HHAT: variants seen among roughly 807,000 people sequenced by gnomAD.
HHAT encodes protein-cysteine N-palmitoyltransferase HHAT.
HHAT carries 47 observed loss-of-function variants against 70.8 expected under a neutral mutation model. That is an observed-to-expected ratio of 0.66 (90% confidence interval 0.53 to 0.85). HHAT has a LOEUF of 0.85. Ranked by LOEUF, HHAT falls within the 40% of genes least tolerant of loss-of-function variation. The probability of loss-of-function intolerance (pLI) is 0.00; values close to 1 mark genes in which losing one functional copy is unlikely to be tolerated. For synonymous variants in HHAT, 228 were observed against 247.6 expected (o/e 0.92, Z 0.74); for missense variants, 609 against 604.8 (o/e 1.01, Z -0.07).
Position 210,349,942 on chromosome 1 carries a change from C to A in HHAT, c.91+876C>A, listed in dbSNP as rs915031063. Among the ~76,000 whole-genome samples the A allele has an allele frequency of 2.0e-5, 3 of 152,170 alleles. 1 individual carries two copies. In the South Asian group the frequency reaches 6.2e-4, roughly 32 times the overall value. On this transcript the variant is annotated intron_variant, in intron 2 of 11. Transcript: ENST00000261458. ...CTGGGATTACAGGCGTGAGCCACTG[C>A]ACCCTGTAGCTGGGACTACAGGAGT... is the stretch of plus-strand genomic sequence containing the variant.
intron 7 of HHAT, among the ~76,000 whole-genome samples, chr1:210,421,729 G>A (rs2092910231): frequency 1.3e-5 from 2 of 152,174 alleles, no homozygotes; most frequent in African/African-American, 4.8e-5. Context: ...ACAGCTATGA[G>A]CCACTGTGCC....
intron 11 of HHAT, among the ~76,000 whole-genome samples, chr1:210,653,553 T>G: frequency 6.8e-6 from 1 of 147,894 alleles, no homozygotes; most frequent in Admixed American, 6.8e-5. Flanking sequence ...AAAAGTTAAA[T>G]ACCATTTAAT....
chr1:210,389,764 A>T (rs1442854672), intron 4 of HHAT, among the ~76,000 whole-genome samples: 1 of 152,302 alleles, frequency 6.6e-6, no homozygotes. Flanking sequence ...GTAGTTCTTT[A>T]TAGCAGTGTG....
intron 9 of HHAT, among the ~76,000 whole-genome samples, chr1:210,583,164 C>T (rs1659649814): frequency 6.6e-6 from 1 of 152,170 alleles, no homozygotes; most frequent in African/African-American, 2.4e-5. Context: ...CATGGGCACT[C>T]AGTAAAGGGT....
chr1:210,456,022 A>C (rs2093859230), intron 7 of HHAT, among the ~76,000 whole-genome samples: 2 of 152,118 alleles, frequency 1.3e-5, no homozygotes, highest in African/African-American at 4.8e-5. Context: ...GCTCTGCCAT[A>C]GCTCTCATCA....
chr1:210,580,462 T>A lies in HHAT; in HGVS notation c.1044-7436T>A, dbSNP rs191039111. On this transcript the variant is annotated intron_variant, in intron 9 of 11. Transcript: ENST00000261458. ...GTGCCATGGTGGTTTGCTGCACCTATTGACCTGTCCTCTAAGTTCCCTCCC... is the reference window on the plus strand; with the variant it reads ...GTGCCATGGTGGTTTGCTGCACCTAATGACCTGTCCTCTAAGTTCCCTCCC... 3.8e-3 allele frequency among the ~76,000 whole-genome samples: 579 copies of A among 151,464 alleles called. 6 individuals carry two copies. The highest frequency in any genetic ancestry group is 0.013 in the African/African-American group (533 of 41,298).
intron 2 of HHAT, among the ~76,000 whole-genome samples, chr1:210,360,304 G>GTTTT (rs398053777): frequency 5.6e-4 from 78 of 138,158 alleles, no homozygotes; most frequent in African/African-American, 1.9e-3. Context: ...TTGTTTTTGT[G>GTTTT]TTTTTTTTTT....
chr1:210,515,016 C>T (rs1322593144), intron 9 of HHAT, among the ~76,000 whole-genome samples: 2 of 152,192 alleles, frequency 1.3e-5, no homozygotes, highest in Non-Finnish European at 2.9e-5. Context: ...TCCCCTTGCT[C>T]TGGCAGGAGG....
At chr1:210,447,286 A>C (rs1242519510) in intron 7 of HHAT, among the ~76,000 whole-genome samples, 1 of 152,224 alleles carries the variant, frequency 6.6e-6, no homozygotes, top group Non-Finnish European at 1.5e-5. Context: ...AAGCTTTTCA[A>C]CAAATGGACA....
At chr1:210,432,122 C>T (rs1030243598) in intron 7 of HHAT, among the ~76,000 whole-genome samples, 3 of 151,674 alleles carry the variant, frequency 2.0e-5, no homozygotes, top group African/African-American at 7.3e-5. Flanking sequence ...GTTCTGGGAA[C>T]CAATTTCCCA....
chr1:210,465,425 G>A (rs1223141320), intron 8 of HHAT, among the ~76,000 whole-genome samples: 1 of 152,128 alleles, frequency 6.6e-6, no homozygotes, highest in Non-Finnish European at 1.5e-5. Flanking sequence ...GATTGAGTTT[G>A]CAATTGAAAA....
intron 9 of HHAT, among the ~76,000 whole-genome samples, chr1:210,532,851 A>T (rs2095329214): frequency 1.3e-5 from 2 of 152,370 alleles, no homozygotes; most frequent in South Asian, 2.1e-4. Context: ...TAATTGTAGA[A>T]TACGAAAGGA....
intron 9 of HHAT, among the ~76,000 whole-genome samples, chr1:210,517,671 T>C (rs35543407): frequency 0.38 from 57,107 of 151,952 alleles, 11,457 homozygotes; most frequent in Non-Finnish European, 0.45. Context: ...TCTTGAAAAT[T>C]GCTAAGACAG....
At chr1:210,669,599 T>A (rs1679676781) in intron 11 of HHAT, among the ~76,000 whole-genome samples, 1 of 152,254 alleles carries the variant, frequency 6.6e-6, no homozygotes, top group Admixed American at 6.5e-5. Flanking sequence ...GTTGTCTGAC[T>A]TTCTGGGAAC....
chr1:210,419,562 G>T (rs2092831560), intron 7 of HHAT, among the ~76,000 whole-genome samples: 1 of 152,160 alleles, frequency 6.6e-6, no homozygotes, highest in Non-Finnish European at 1.5e-5. Flanking sequence ...AGATCAAGCT[G>T]TTCCCTGCTG....
At chr1:210,576,482 C>G (rs1313306596) in intron 9 of HHAT, among the ~76,000 whole-genome samples, 1 of 127,920 alleles carries the variant, frequency 7.8e-6, no homozygotes, top group African/African-American at 3.1e-5. Flanking sequence ...CACATGGACA[C>G]AGGAAGGGGA....
upstream of HHAT, chr1:210,328,849 G>A (rs2084725725): frequency 4.7e-6 from 2 of 428,804 alleles, no homozygotes; most frequent in South Asian, 2.4e-4. Context: ...CGGCCTGCTC[G>A]CCATCGCCCG....
intron 11 of HHAT, among the ~76,000 whole-genome samples, chr1:210,628,360 A>G (rs892107319): frequency 2.0e-5 from 3 of 152,206 alleles, no homozygotes; most frequent in African/African-American, 7.2e-5. Context: ...AACATTTCCC[A>G]AGTGGTGGGG....
chr1:210,624,753 T>C (rs34309385), intron 11 of HHAT, among the ~76,000 whole-genome samples: 5,895 of 152,322 alleles, frequency 0.039, 190 homozygotes, highest in Middle Eastern at 0.068. Context: ...ATCATATCTA[T>C]AAGAGAATTG....
Sources: gnomAD v4.1 joint callset for allele counts (sites outside exome capture counted in the v4.1 genomes callset) on GRCh38, gnomAD v4.1.1 for gene constraint, MANE v1.5 for transcripts, NCBI Gene and HGNC (gene_info 2026-07-23, HGNC 2026-07-21) for gene names.